PIK3CA: variants seen among roughly 807,000 people sequenced by gnomAD.
PIK3CA encodes phosphatidylinositol 4,5-bisphosphate 3-kinase catalytic subunit alpha isoform.
A neutral mutation model predicts 138.2 loss-of-function variants in PIK3CA; 27 were observed. The ratio of observed to expected loss-of-function variants is 0.20; its 90% confidence interval spans 0.14 to 0.27. PIK3CA has a LOEUF of 0.27. PIK3CA is among the 10% of genes least tolerant of loss of function. PIK3CA has a pLI of 1.00. For missense variants in PIK3CA, 544 were observed against 1,277.4 expected, an observed-to-expected ratio of 0.43 and a Z score of 8.75; for synonymous variants, 358 against 413.2, an observed-to-expected ratio of 0.87 and a Z score of 1.62.
chr3:179,180,395 G>C (rs929776114), intron 1 of PIK3CA, among the ~76,000 whole-genome samples: 26 of 152,056 alleles, frequency 1.7e-4, no homozygotes, highest in African/African-American at 6.3e-4. Context: ...ATACTTGTAT[G>C]AGTGTTTTTC....
intron 1 of PIK3CA, among the ~76,000 whole-genome samples, chr3:179,193,746 T>G (rs2677770): frequency 0.19 from 28,294 of 152,234 alleles, 2,958 homozygotes; most frequent in Non-Finnish European, 0.25. Flanking sequence ...CAAAACCAAT[T>G]TATTTACTCT....
At chr3:179,162,853 C>G (rs1723319141) in intron 1 of PIK3CA, among the ~76,000 whole-genome samples, 2 of 149,898 alleles carry the variant, frequency 1.3e-5, no homozygotes, top group Middle Eastern at 3.2e-3. Context: ...GCCTAATTCT[C>G]TTCTTTAAAA....
At chr3:179,177,371 G>A (rs1283237663) in intron 1 of PIK3CA, among the ~76,000 whole-genome samples, 1 of 147,336 alleles carries the variant, frequency 6.8e-6, no homozygotes, top group Non-Finnish European at 1.5e-5. Flanking sequence ...GGCGTGCAGT[G>A]GCCTGGTCTC....
At chr3:179,163,597 A>G (rs978207794) in intron 1 of PIK3CA, among the ~76,000 whole-genome samples, 1 of 152,188 alleles carries the variant, frequency 6.6e-6, no homozygotes, top group South Asian at 2.1e-4. Flanking sequence ...TTCTGCAAAA[A>G]TTCAATAGAT....
chr3:179,225,797 C>A (rs1224982273), intron 16 of PIK3CA, among the ~76,000 whole-genome samples, 165 bp from the exon 17 acceptor site: 1 of 152,054 alleles, frequency 6.6e-6, no homozygotes. Context: ...CATATACACT[C>A]ATTTATAAAT....
chr3:179,171,185 T>A (rs1444448514), intron 1 of PIK3CA, among the ~76,000 whole-genome samples: 1 of 152,128 alleles, frequency 6.6e-6, no homozygotes, highest in Non-Finnish European at 1.5e-5. Flanking sequence ...ATACTATTTC[T>A]GAGTAACCCA....
intron 1 of PIK3CA, among the ~76,000 whole-genome samples, chr3:179,154,021 C>T (rs952380595): frequency 1.3e-5 from 2 of 152,152 alleles, no homozygotes; most frequent in African/African-American, 4.8e-5. Flanking sequence ...TGGTTAAGGA[C>T]TTTTTAGGTG....
At chr3:179,199,997 T>C (rs1390521065) in intron 3 of PIK3CA, 98 bp downstream of exon 3, 7 of 700,144 alleles carry the variant, frequency 1.0e-5, no homozygotes, top group East Asian at 2.5e-5. Flanking sequence ...TCCAGCTAGA[T>C]AGTAAGCTTC....
intron 1 of PIK3CA, among the ~76,000 whole-genome samples, chr3:179,173,330 G>A (rs916632531): frequency 2.0e-5 from 3 of 150,422 alleles, no homozygotes; most frequent in African/African-American, 4.9e-5. Context: ...AGGCTGAGGC[G>A]GGTTGATCAC....
intron 1 of PIK3CA, 145 bp from the exon 2 acceptor site, chr3:179,198,605 G>A: frequency 8.0e-6 from 3 of 376,542 alleles, no homozygotes; most frequent in Middle Eastern, 7.0e-4. Context: ...CAACAGTCTA[G>A]ATTAGAATAC....
At chr3:179,150,332 A>T (rs1051548849) in intron 1 of PIK3CA, among the ~76,000 whole-genome samples, 9 of 152,200 alleles carry the variant, frequency 5.9e-5, no homozygotes, top group Admixed American at 3.3e-4. Context: ...TAGTTTATTT[A>T]AAAATGATAG....
intron 1 of PIK3CA, among the ~76,000 whole-genome samples, chr3:179,155,232 G>A (rs2108350218): frequency 6.6e-6 from 1 of 152,318 alleles, no homozygotes; most frequent in African/African-American, 2.4e-5. Flanking sequence ...AGACAATGTT[G>A]TGTTTATTGT....
chr3:179,233,763 C>G (rs947575364), intron 20 of PIK3CA, among the ~76,000 whole-genome samples: 1 of 152,160 alleles, frequency 6.6e-6, no homozygotes, highest in Non-Finnish European at 1.5e-5. Context: ...TCTGCTTTGT[C>G]TACAACACAG....
At chr3:179,162,219 CAAAGAG>C (rs1723302657) in intron 1 of PIK3CA, among the ~76,000 whole-genome samples, 1 of 151,890 alleles carries the variant, frequency 6.6e-6, no homozygotes, top group Admixed American at 6.6e-5. Context: ...ATATATGTAT[CAAAGAG>C]AATACACATG....
Position 179,237,894 on chromosome 3 carries a change from G to T in PIK3CA, c.*3530G>T, listed in dbSNP as rs1725361744. On this transcript the variant is annotated 3_prime_UTR_variant, in exon 21 of 21. Coordinates refer to ENST00000263967, the MANE Select transcript of PIK3CA (RefSeq NM_006218.4). ...ATGTCTGCACAAACTGCAGACCTGGGCTGGACCCACATACTCAAGAGTCCA... is the reference window on the plus strand; with the variant it reads ...ATGTCTGCACAAACTGCAGACCTGGTCTGGACCCACATACTCAAGAGTCCA... 4.8e-6 allele frequency: 1 copy of T among 210,374 alleles called. No homozygotes were observed. Among genetic ancestry groups the T allele is most frequent in the South Asian group, 1.9e-4 (1 of 5,320 alleles). 13.0% of individuals were successfully genotyped at this position (210,374 alleles called of 1,614,324 possible). A position where few individuals can be genotyped will look rare whatever the true frequency, so the allele number is the denominator to read the frequency against.
At chr3:179,218,412 T>C (rs2108408729) in intron 10 of PIK3CA, 78 bp downstream of exon 10, 2 of 1,157,766 alleles carry the variant, frequency 1.7e-6, no homozygotes, top group Non-Finnish European at 1.2e-6. Context: ...GATCTCAGCA[T>C]GTTTTTACCA....
At chr3:179,150,344 A>G (rs1722984852) in intron 1 of PIK3CA, among the ~76,000 whole-genome samples, 1 of 152,222 alleles carries the variant, frequency 6.6e-6, no homozygotes, top group Non-Finnish European at 1.5e-5. Flanking sequence ...AAATGATAGC[A>G]TATCGTAATA....
chr3:179,166,553 CCTT>C (rs1368635344), intron 1 of PIK3CA, among the ~76,000 whole-genome samples: 2 of 152,178 alleles, frequency 1.3e-5, no homozygotes, highest in Admixed American at 6.5e-5. Context: ...TCACATCTAA[CCTT>C]CTTTACTCTG....
intron 6 of PIK3CA, among the ~76,000 whole-genome samples, chr3:179,205,857 G>A (rs1724546256): frequency 6.6e-6 from 1 of 152,152 alleles, no homozygotes; most frequent in South Asian, 2.1e-4. Flanking sequence ...TCCTCCAGAA[G>A]TAAATCTCAT....
Sources: allele counts gnomAD v4.1 joint callset (sites outside exome capture counted in the v4.1 genomes callset), GRCh38; gene constraint gnomAD v4.1.1; transcripts MANE v1.5; gene names NCBI Gene and HGNC (gene_info 2026-07-23, HGNC 2026-07-21).